Variants in KCNH7 observed in about 807,000 individuals in gnomAD.
KCNH7 encodes the protein voltage-gated inwardly rectifying potassium channel KCNH7.
In KCNH7, 49 loss-of-function variants were observed where a neutral mutation model predicts 120.8. That is an observed-to-expected ratio of 0.41 (90% CI 0.32 to 0.51). The LOEUF (loss-of-function observed/expected upper bound fraction) is 0.51. KCNH7 is among the 20% of genes least tolerant of loss of function. The probability of loss-of-function intolerance (pLI) is 0.38; values close to 1 mark genes in which losing one functional copy is unlikely to be tolerated. For synonymous variants in KCNH7, 547 were observed against 516.1 expected, an observed-to-expected ratio of 1.06 and a Z score of -0.81; for missense variants, 1,097 against 1,446.6, an observed-to-expected ratio of 0.76 and a Z score of 3.92.
At chr2:162,576,856 A>G (rs1693686231) in intron 2 of KCNH7, among the ~76,000 whole-genome samples, 1 of 151,990 alleles carries the variant, frequency 6.6e-6, no homozygotes, top group Non-Finnish European at 1.5e-5. Context: ...AACTCTTTCA[A>G]CTAGGGTACT....
chr2:162,376,593 A>G, intron 14 of KCNH7, among the ~76,000 whole-genome samples: 1 of 151,936 alleles, frequency 6.6e-6, no homozygotes, highest in Non-Finnish European at 1.5e-5. Context: ...CGAACTCCTG[A>G]CCTTGTGATC....
chr2:162,719,592 A>G (rs1687253107), intron 2 of KCNH7, among the ~76,000 whole-genome samples: 1 of 152,052 alleles, frequency 6.6e-6, no homozygotes, highest in Admixed American at 6.6e-5. Flanking sequence ...ATTAAAAAAG[A>G]ACTCCCAGAC....
At chr2:162,674,165 T>A (rs1685457824) in intron 2 of KCNH7, among the ~76,000 whole-genome samples, 1 of 151,884 alleles carries the variant, frequency 6.6e-6, no homozygotes, top group Admixed American at 6.6e-5. Context: ...AAGAGTTTAG[T>A]ATCTTTGCTG....
chr2:162,496,832 T>C (rs1005570135), intron 6 of KCNH7: 1 of 152,230 alleles, frequency 6.6e-6, no homozygotes, highest in Non-Finnish European at 1.5e-5. Flanking sequence ...TTGTTTGTTG[T>C]TGTATCTGAA....
At chr2:162,644,764 C>G (rs1684291035) in intron 2 of KCNH7, among the ~76,000 whole-genome samples, 1 of 152,132 alleles carries the variant, frequency 6.6e-6, no homozygotes, top group Non-Finnish European at 1.5e-5. Flanking sequence ...CTCAGAGGTC[C>G]TATTTTTTTC....
Position 162,547,006 on chromosome 2 carries a change from T to C in KCNH7, c.308-9926A>G, listed in dbSNP as rs571837804. ...ATACTATCTGAGACTGGGTAATTCA[T>C]AAACAAAGGAGGTTTCATTGACTCA... On this transcript the variant is annotated intron_variant, in intron 2 of 15. Coordinates refer to ENST00000332142, the MANE Select transcript of KCNH7 (RefSeq NM_033272.4). Among the ~76,000 whole-genome samples the C allele has an allele frequency of 2.6e-5, 4 of 152,218 alleles. No homozygotes were observed. In the South Asian group the frequency reaches 8.3e-4, roughly 32 times the overall value.
chr2:162,680,605 C>G (rs1020645134), intron 2 of KCNH7, among the ~76,000 whole-genome samples: 1 of 151,692 alleles, frequency 6.6e-6, no homozygotes, highest in Non-Finnish European at 1.5e-5. Flanking sequence ...GTGTTCTACT[C>G]TCCTGGAACT....
intron 6 of KCNH7, among the ~76,000 whole-genome samples, chr2:162,497,532 T>C (rs1261573633): frequency 6.6e-6 from 1 of 152,156 alleles, no homozygotes; most frequent in Admixed American, 6.5e-5. Flanking sequence ...GTTACAAGTA[T>C]GTCCAACTGC....
At chr2:162,536,798 T>A (rs1198279527) in intron 3 of KCNH7, 127 bp downstream of exon 3, 9 of 992,216 alleles carry the variant, frequency 9.1e-6, no homozygotes, top group African/African-American at 1.6e-5. Flanking sequence ...AATGGCTTAC[T>A]CATGTCAAAT....
chr2:162,594,175 G>A (rs1694299869), intron 2 of KCNH7, among the ~76,000 whole-genome samples: 1 of 151,990 alleles, frequency 6.6e-6, no homozygotes, highest in South Asian at 2.1e-4. Context: ...ATCCTTTCAA[G>A]CGTCTTTAAA....
At chr2:162,445,953 G>A in intron 7 of KCNH7, 65 bp downstream of exon 7, 1 of 1,303,666 alleles carries the variant, frequency 7.7e-7, no homozygotes, top group East Asian at 2.4e-5. Context: ...TCTTTTTGCA[G>A]TTAAAATAGA....
chr2:162,517,832 TTGATCTGGAA>T lies in KCNH7; in HGVS notation c.780_789del (p.His260GlnfsTer17). 1 of 1,612,386 alleles carries T rather than the reference TTGATCTGGAA, an allele frequency of 6.2e-7. No homozygotes were observed. ...CTCCGTATACTACATAAGCTTTCCCTTGATCTGGAATGGGACAGCTGGGAACTTGACTGCA... is the reference window on the plus strand; with the variant it reads ...CTCCGTATACTACATAAGCTTTCCCTTGGGACAGCTGGGAACTTGACTGCA... On this transcript the variant is annotated frameshift_variant, in exon 4 of 16. Transcript: ENST00000332142. LOFTEE classifies it high-confidence loss of function.
Position 162,517,792 on chromosome 2 carries a change from T to C in KCNH7, c.830A>G (p.His277Arg), listed in dbSNP as rs746448376. The change falls in exon 4 of 16, where the codon CAT (histidine) becomes CGT (arginine). Residue 277 changes from histidine to arginine, a missense_variant. This residue lies in a region of KCNH7 where 362 missense variants were observed against 372.2 expected (regional missense o/e 0.97). Coordinates refer to ENST00000332142, the MANE Select transcript of KCNH7 (RefSeq NM_033272.4). ...LCSIRRASSV[H>R]DIEGFGVHPK... is the part of the protein sequence containing the mutation. ...GTGGACGCCGAATCCTTCTATATCA[T>C]GGACCGAAGATGCTCTCCGTATACT... The C allele has an allele frequency of 1.7e-5, 28 of 1,604,666 alleles. 1 individual carries two copies. The highest frequency in any genetic ancestry group is 1.7e-4 in the South Asian group (15 of 90,876).
At chr2:162,672,663 C>T (rs1271863112) in intron 2 of KCNH7, among the ~76,000 whole-genome samples, 5 of 151,764 alleles carry the variant, frequency 3.3e-5, no homozygotes, top group African/African-American at 4.8e-5. Context: ...ACCCACATAG[C>T]GATTACTGTA....
intron 2 of KCNH7, among the ~76,000 whole-genome samples, chr2:162,626,920 C>CTGTGTG (rs1456932312): frequency 2.0e-5 from 3 of 152,140 alleles, no homozygotes; most frequent in Admixed American, 6.6e-5. Context: ...CTTTCTTACA[C>CTGTGTG]TGTGGTACCA....
Position 162,371,732 on chromosome 2 carries a change from G to A in KCNH7, c.*97C>T, listed in dbSNP as rs1431296120. On this transcript the variant is annotated 3_prime_UTR_variant, in exon 16 of 16. Coordinates refer to ENST00000332142, the MANE Select transcript of KCNH7 (RefSeq NM_033272.4). Reference sequence around the variant, plus strand: ...GTACTTTTGCATATAATGGTACCTTGTGAGCCCCTGAGTCAAGTAGAGAGG... The same window carrying A: ...GTACTTTTGCATATAATGGTACCTTATGAGCCCCTGAGTCAAGTAGAGAGG... The A allele has an allele frequency of 2.6e-6, 3 of 1,173,238 alleles. No homozygotes were observed. The highest frequency in any genetic ancestry group is 1.5e-5 in the African/African-American group (1 of 64,612). The allele number at this position is 1,173,238 out of a possible 1,614,324, so 72.7% of individuals were successfully genotyped here. A position where few individuals can be genotyped will look rare whatever the true frequency, so the allele number is the denominator to read the frequency against.
chr2:162,706,354 T>C (rs181858013), intron 2 of KCNH7, among the ~76,000 whole-genome samples: 14 of 152,268 alleles, frequency 9.2e-5, no homozygotes, highest in African/African-American at 2.6e-4. Flanking sequence ...GGTGTTGTTA[T>C]TGATAATGAT....
At chr2:162,810,611 C>T (rs961750867) in intron 2 of KCNH7, among the ~76,000 whole-genome samples, 4 of 152,230 alleles carry the variant, frequency 2.6e-5, no homozygotes, top group Non-Finnish European at 4.4e-5. Flanking sequence ...TCCGCATTAC[C>T]TTATGCCATC....
intron 2 of KCNH7, among the ~76,000 whole-genome samples, chr2:162,686,141 G>A (rs970172554): frequency 1.1e-4 from 16 of 151,976 alleles, no homozygotes; most frequent in African/African-American, 2.4e-4. Flanking sequence ...GGTATAAAAC[G>A]TTTCTCCTAA....
Sources: allele counts gnomAD v4.1 joint callset (sites outside exome capture counted in the v4.1 genomes callset), GRCh38; gene constraint gnomAD v4.1.1; regional missense constraint gnomAD v4.1.1; transcripts MANE v1.5; gene names NCBI Gene and HGNC (gene_info 2026-07-23, HGNC 2026-07-21).